Variants in EMSY observed in about 807,000 individuals in gnomAD.
The protein encoded by EMSY is EMSY transcriptional repressor, BRCA2 interacting.
EMSY carries 26 observed loss-of-function variants against 134.6 expected under a neutral mutation model. The ratio of observed to expected loss-of-function variants is 0.19; its 90% CI spans 0.14 to 0.27. EMSY has a LOEUF of 0.27. Ranked by LOEUF, EMSY falls within the 10% of genes least tolerant of loss-of-function variation. The probability of loss-of-function intolerance (pLI) is 1.00; values close to 1 mark genes in which losing one functional copy is unlikely to be tolerated. For synonymous variants in EMSY, 579 were observed against 577.8 expected (o/e 1.00, Z -0.03); for missense variants, 1,305 against 1,611.4 (o/e 0.81, Z 3.26).
At chr11:76,497,914 T>A in intron 9 of EMSY, among the ~76,000 whole-genome samples, 1 of 152,170 alleles carries the variant, frequency 6.6e-6, no homozygotes, top group East Asian at 1.9e-4. Flanking sequence ...AGATTATTGA[T>A]TCAAGACATA....
chr11:76,480,390 C>T (rs1162199035), intron 8 of EMSY, among the ~76,000 whole-genome samples: 3 of 152,136 alleles, frequency 2.0e-5, no homozygotes, highest in African/African-American at 7.2e-5. Flanking sequence ...GATTGGTTTC[C>T]AAACATCTTG....
intron 8 of EMSY, among the ~76,000 whole-genome samples, chr11:76,488,681 T>G (rs1565308746): frequency 6.6e-6 from 1 of 152,224 alleles, no homozygotes; most frequent in Non-Finnish European, 1.5e-5. Flanking sequence ...CAATAAAATT[T>G]ATTATCTCAC....
intron 6 of EMSY, among the ~76,000 whole-genome samples, chr11:76,463,338 A>G (rs1948205376): frequency 1.3e-5 from 2 of 149,666 alleles, no homozygotes; most frequent in South Asian, 4.2e-4. Flanking sequence ...AAAGGAGGGA[A>G]GGCAGCCGGG....
chr11:76,494,654 CCTTCCTT>C (rs1565314595), intron 8 of EMSY, among the ~76,000 whole-genome samples: 82 of 2,100 alleles, frequency 0.039, 2 homozygotes, highest in African/African-American at 0.078. Context: ...CCTTTCCCTT[CCTTCCTT>C]CCTTCCTTCC....
chr11:76,490,374 G>A (rs375261143), intron 8 of EMSY, among the ~76,000 whole-genome samples: 55 of 151,924 alleles, frequency 3.6e-4, no homozygotes, highest in Admixed American at 9.2e-4. Flanking sequence ...TATGCCCCCC[G>A]ACCCCTGTTA....
At chr11:76,465,474 C>T (rs574957625) in intron 7 of EMSY, among the ~76,000 whole-genome samples, 13 of 152,030 alleles carry the variant, frequency 8.6e-5, no homozygotes, top group African/African-American at 2.7e-4. Context: ...CAGCCTTGCA[C>T]GTAGTAAATG....
At chr11:76,543,987 G>T (rs1951544493) in intron 18 of EMSY, among the ~76,000 whole-genome samples, 1 of 152,158 alleles carries the variant, frequency 6.6e-6, no homozygotes, top group South Asian at 2.1e-4. Context: ...GTGTTTGGTT[G>T]TGCTTGCAGG....
intron 7 of EMSY, among the ~76,000 whole-genome samples, chr11:76,470,664 C>G (rs1411397184): frequency 6.6e-6 from 1 of 152,028 alleles, no homozygotes; most frequent in Non-Finnish European, 1.5e-5. Context: ...CCTCTTGCCT[C>G]TTATCATGTA....
intron 7 of EMSY, 96 bp from the exon 9 acceptor site, chr11:76,472,468 C>CA: frequency 8.4e-7 from 1 of 1,189,932 alleles, no homozygotes; most frequent in South Asian, 1.8e-5. Flanking sequence ...CTTCGTTTTT[C>CA]ATAAGCTATT....
At chr11:76,518,141 T>C (rs1477719260) in intron 11 of EMSY, among the ~76,000 whole-genome samples, 1 of 151,042 alleles carries the variant, frequency 6.6e-6, no homozygotes, top group Admixed American at 6.6e-5. Flanking sequence ...GGGTCCCATC[T>C]TCCCCAAACA....
chr11:76,449,648 A>C (rs563071951), intron 2 of EMSY, among the ~76,000 whole-genome samples: 1 of 152,270 alleles, frequency 6.6e-6, no homozygotes. Context: ...ACTTCCCACA[A>C]TCAATCAATT....
chr11:76,509,422 A>G (rs1466827230), intron 9 of EMSY, among the ~76,000 whole-genome samples: 1 of 152,126 alleles, frequency 6.6e-6, no homozygotes, highest in Non-Finnish European at 1.5e-5. Context: ...GAACCCAGGA[A>G]GTGGAGGTTG....
chr11:76,495,708 A>G (rs1192517181), intron 8 of EMSY, among the ~76,000 whole-genome samples: 1 of 152,094 alleles, frequency 6.6e-6, no homozygotes, highest in Non-Finnish European at 1.5e-5. Context: ...CCTCTTCACC[A>G]TTCTCAGAGA....
intron 8 of EMSY, 97 bp downstream of exon 9, chr11:76,472,937 C>A: frequency 7.5e-7 from 1 of 1,330,774 alleles, no homozygotes; most frequent in African/African-American, 1.4e-5. Context: ...ATATGAAGGT[C>A]CCTACTATTA....
At chr11:76,500,407 T>C (rs944782811) in intron 9 of EMSY, among the ~76,000 whole-genome samples, 23 of 152,026 alleles carry the variant, frequency 1.5e-4, no homozygotes, top group African/African-American at 5.3e-4. Flanking sequence ...TCAAGAACAG[T>C]GAAGGAAGTG....
At chr11:76,455,679 G>GA (rs531048517) in intron 4 of EMSY, among the ~76,000 whole-genome samples, 390 of 152,286 alleles carry the variant, frequency 2.6e-3, no homozygotes, top group African/African-American at 9.1e-3. Flanking sequence ...TGGGATCAAA[G>GA]AAAAGCCTTT....
chr11:76,460,989 CAAAAAAAAGAAAA>C (rs1948091737), intron 6 of EMSY: 2 of 136,844 alleles, frequency 1.5e-5, no homozygotes, highest in South Asian at 2.3e-4. Context: ...GACTCTGTCT[CAAAAAAAAGAAAA>C]AAAAAAAAGA....
chr11:76,544,435 T>C (rs941756263), exon 19 of EMSY: 14 of 1,613,842 alleles, frequency 8.7e-6, no homozygotes, highest in Non-Finnish European at 1.2e-5. Flanking sequence ...TGGAACAGAC[T>C]CAGCTGCAAG....
At chr11:76,525,953 A>G (rs1361266591) in intron 12 of EMSY, among the ~76,000 whole-genome samples, 4 of 152,080 alleles carry the variant, frequency 2.6e-5, no homozygotes, top group South Asian at 2.1e-4. Flanking sequence ...TATCCTTATA[A>G]TTTCATATAT....
Sources: gnomAD v4.1 joint callset for allele counts (sites outside exome capture counted in the v4.1 genomes callset) on GRCh38, gnomAD v4.1.1 for gene constraint, MANE v1.5 for transcripts, NCBI Gene and HGNC (gene_info 2026-07-23, HGNC 2026-07-21) for gene names.